MRTFA: variants seen among roughly 807,000 people sequenced by gnomAD.
MRTFA encodes myocardin related transcription factor A.
In MRTFA, 20 loss-of-function variants were observed where a neutral mutation model predicts 83.5. The ratio of observed to expected loss-of-function variants is 0.24; its 90% CI spans 0.17 to 0.35. MRTFA has a LOEUF of 0.35. Among genes scored for constraint, MRTFA ranks in the 10% least tolerant of loss-of-function variants. MRTFA has a pLI of 1.00. For synonymous variants in MRTFA, 659 were observed against 541.2 expected (o/e 1.22, Z -3.02); for missense variants, 1,200 against 1,224.7 (o/e 0.98, Z 0.30).
chr22:40,446,857 G>A (rs1408139975), intron 4 of MRTFA, among the ~76,000 whole-genome samples: 1 of 152,202 alleles, frequency 6.6e-6, no homozygotes, highest in Admixed American at 6.5e-5. Flanking sequence ...ATATCTGCGA[G>A]CCTACATGTG....
intron 1 of MRTFA, among the ~76,000 whole-genome samples, chr22:40,597,192 T>C (rs556191265): frequency 1.2e-4 from 18 of 152,206 alleles, no homozygotes; most frequent in Non-Finnish European, 2.4e-4. Context: ...GTGCTCATTA[T>C]ATACTTGCTG....
intron 3 of MRTFA, among the ~76,000 whole-genome samples, chr22:40,512,600 T>C (rs1045125440): frequency 6.6e-6 from 1 of 152,238 alleles, no homozygotes; most frequent in African/African-American, 2.4e-5. Context: ...AAGATGATTA[T>C]TTCTCAACTT....
intron 1 of MRTFA, among the ~76,000 whole-genome samples, chr22:40,614,540 T>C (rs979758749): frequency 6.6e-6 from 1 of 152,146 alleles, no homozygotes; most frequent in Admixed American, 6.6e-5. Flanking sequence ...CAGACTGGAG[T>C]GCAATGGCGC....
intron 2 of MRTFA, chr22:40,569,716 AATAC>A (rs67146133): frequency 0.14 from 19,843 of 142,098 alleles, 1,962 homozygotes; most frequent in African/African-American, 0.28. Context: ...CTCCATAATT[AATAC>A]ATACATACAT....
Position 40,539,807 on chromosome 22 carries a change from C to T in MRTFA, c.241+12299G>A, listed in dbSNP as rs367787143. On this transcript the variant is annotated intron_variant, in intron 3 of 14. Coordinates refer to ENST00000355630, the MANE Select transcript of MRTFA (RefSeq NM_020831.6). ...ACGAGCCACCGCGCCCAGCCGACGA[C>T]AACTATTTTCTTAACGTAACTATAA... Among the ~76,000 whole-genome samples, 13 of 151,666 alleles carry T rather than the reference C, an allele frequency of 8.6e-5. No homozygotes were observed. The East Asian group carries it at 1.2e-3, about 14-fold the overall frequency.
At chr22:40,592,308 C>T (rs956659112) in intron 2 of MRTFA, among the ~76,000 whole-genome samples, 1 of 150,348 alleles carries the variant, frequency 6.7e-6, no homozygotes, top group African/African-American at 2.4e-5. Flanking sequence ...ATTAGCCAGG[C>T]GTGGTGGCAC....
At chr22:40,536,072 G>A (rs2055166711) in intron 3 of MRTFA, among the ~76,000 whole-genome samples, 1 of 151,230 alleles carries the variant, frequency 6.6e-6, no homozygotes, top group South Asian at 2.1e-4. Flanking sequence ...GGGAGGGTGG[G>A]TTGAAACTAG....
At chr22:40,598,802 C>T (rs1320277902) in intron 1 of MRTFA, among the ~76,000 whole-genome samples, 2 of 148,248 alleles carry the variant, frequency 1.3e-5, no homozygotes. Context: ...GCCTAACCAA[C>T]ATGGAGAAAT....
intron 3 of MRTFA, among the ~76,000 whole-genome samples, chr22:40,517,603 A>G (rs900547977): frequency 6.6e-6 from 1 of 152,232 alleles, no homozygotes; most frequent in African/African-American, 2.4e-5. Context: ...ACGGTCTGCC[A>G]CACTGCAATG....
At chr22:40,613,771 G>A (rs1040829517) in intron 1 of MRTFA, among the ~76,000 whole-genome samples, 5 of 152,088 alleles carry the variant, frequency 3.3e-5, no homozygotes, top group Admixed American at 6.6e-5. Context: ...ATAGCCAGGC[G>A]TAGTGGCGCA....
chr22:40,590,744 T>A (rs1400561604), intron 2 of MRTFA, among the ~76,000 whole-genome samples: 1 of 151,374 alleles, frequency 6.6e-6, no homozygotes, highest in Non-Finnish European at 1.5e-5. Flanking sequence ...ACTGAGTATC[T>A]GAATACTTAT....
In MRTFA at chr22:40,411,507, C is replaced by T. The variant is rs757900338; in HGVS notation, c.2979G>A (p.Leu993=). The T allele has an allele frequency of 6.2e-7, 1 of 1,611,482 alleles. No homozygotes were observed. Among genetic ancestry groups the T allele is most frequent in the South Asian group, 1.1e-5 (1 of 90,970 alleles). ...GGCTCAGCACGGGACCACCTGACGA[C>T]AGCTCCAGCCAGTCCATGCTGTCCA... Residue 993 remains leucine, a synonymous_variant, in exon 15 of 15, where the codon CTG becomes CTA. Coordinates refer to ENST00000355630, the MANE Select transcript of MRTFA (RefSeq NM_020831.6).
chr22:40,471,667 G>A (rs1158043662), intron 3 of MRTFA, among the ~76,000 whole-genome samples: 2 of 152,142 alleles, frequency 1.3e-5, no homozygotes, highest in Admixed American at 1.3e-4. Flanking sequence ...CGGATTGCTT[G>A]AGCTCAGGAG....
At chr22:40,500,373 TA>T (rs1462964402) in intron 3 of MRTFA, among the ~76,000 whole-genome samples, 9 of 150,250 alleles carry the variant, frequency 6.0e-5, no homozygotes, top group East Asian at 1.9e-4. Context: ...TTTCATTTTT[TA>T]TTTTTTTTAT....
Position 40,579,408 on chromosome 22 carries a change from T to C in MRTFA, c.-22+15266A>G, listed in dbSNP as rs530086543. ...TAAACATTTATTAAAAATAATAATA[T>C]TCATAACAATAAACTTTTAAGGCAT... On this transcript the variant is annotated intron_variant, in intron 2 of 14. Transcript: ENST00000355630. 1.6e-3 allele frequency among the ~76,000 whole-genome samples: 245 copies of C among 152,304 alleles called. 1 individual carries two copies. Among genetic ancestry groups the C allele is most frequent in the African/African-American group, 5.5e-3 (229 of 41,568 alleles).
intron 3 of MRTFA, among the ~76,000 whole-genome samples, chr22:40,482,543 G>C (rs942119974): frequency 2.2e-4 from 33 of 152,144 alleles, no homozygotes; most frequent in African/African-American, 7.5e-4. Context: ...ACTTGCACCA[G>C]ATGCCTGAAC....
At chr22:40,496,169 C>G (rs1001719867) in intron 3 of MRTFA, among the ~76,000 whole-genome samples, 34 of 152,106 alleles carry the variant, frequency 2.2e-4, no homozygotes, top group African/African-American at 7.5e-4. Context: ...GCTGCTGTGA[C>G]CTTGAGATAT....
chr22:40,546,119 T>C (rs1368524486), intron 3 of MRTFA, among the ~76,000 whole-genome samples: 3 of 152,218 alleles, frequency 2.0e-5, no homozygotes, highest in Non-Finnish European at 4.4e-5. Context: ...GGTACACCCA[T>C]TCATGAAAAA....
chr22:40,490,198 C>T (rs937700817), intron 3 of MRTFA, among the ~76,000 whole-genome samples: 8 of 152,096 alleles, frequency 5.3e-5, no homozygotes, highest in African/African-American at 9.7e-5. Flanking sequence ...TACTATCCCC[C>T]GCCTCTCAAA....
Sources: allele counts gnomAD v4.1 joint callset (sites outside exome capture counted in the v4.1 genomes callset), GRCh38; gene constraint gnomAD v4.1.1; transcripts MANE v1.5; gene names NCBI Gene and HGNC (gene_info 2026-07-23, HGNC 2026-07-21).